Variants in PAK3 observed in about 807,000 individuals in gnomAD.
The protein encoded by PAK3 is serine/threonine-protein kinase PAK 3.
A neutral mutation model predicts 41.0 loss-of-function variants in PAK3; 4 were observed. The ratio of observed to expected loss-of-function variants is 0.10; its 90% CI spans 0.05 to 0.22. The LOEUF (loss-of-function observed/expected upper bound fraction) is 0.22, where lower values mean the gene tolerates loss of function less well. Among genes scored for constraint, PAK3 ranks in the 10% least tolerant of loss-of-function variants. PAK3 has a pLI of 1.00. For missense variants in PAK3, 205 were observed against 409.9 expected (o/e 0.50, Z 4.32); for synonymous variants, 146 against 139.6 (o/e 1.05, Z -0.32).
rs1325154382 is a variant in PAK3 at position 111,225,870 on chromosome X, A to G, written c.*5423A>G. Reference sequence around the variant, plus strand: ...CAGTTAAATAAAAGAACTATGTAAGATGATTTTTAAAATTCAAGCAAATGG... The same window carrying G: ...CAGTTAAATAAAAGAACTATGTAAGGTGATTTTTAAAATTCAAGCAAATGG... On this transcript the variant is annotated 3_prime_UTR_variant, in exon 18 of 18. Coordinates refer to ENST00000372007, the MANE Select transcript of PAK3 (RefSeq NM_002578.5). 3 of 111,697 alleles carry G rather than the reference A, an allele frequency of 2.7e-5. No individual in the cohort carries two copies. Among genetic ancestry groups the G allele is most frequent in the African/African-American group, 9.8e-5 (3 of 30,723 alleles). 9.2% of individuals were successfully genotyped at this position (111,697 alleles called of 1,213,427 possible).
Position 111,196,032 on chromosome X carries a change from A to T in PAK3, c.1210+91A>T, listed in dbSNP as rs768672183. ...AAGAAGATAATGGTTACTGAAAGTG[A>T]TTTATTTGAAAGAAGTTACAGCCCA... is the stretch of plus-strand genomic sequence containing the variant. On this transcript the variant is annotated intron_variant, in intron 15 of 17. Transcript: ENST00000372007. 51 of 631,873 alleles carry T rather than the reference A, an allele frequency of 8.1e-5. No homozygotes were observed. The East Asian group carries it at 1.3e-3, about 17-fold the overall frequency. 52.1% of individuals were successfully genotyped at this position (631,873 alleles called of 1,213,427 possible).
At chrX:111,062,624 T>C (rs907201918) in intron 1 of PAK3, among the ~76,000 whole-genome samples, 2 of 111,344 alleles carry the variant, frequency 1.8e-5, no homozygotes, top group African/African-American at 6.5e-5. Context: ...GGAAGTAGCA[T>C]CTTGCTTGCA....
At chrX:111,186,482 T>C (rs1403579009) in intron 11 of PAK3, among the ~76,000 whole-genome samples, 1 of 111,475 alleles carries the variant, frequency 9.0e-6, no homozygotes, top group Non-Finnish European at 1.9e-5. Flanking sequence ...ATCACAAGCA[T>C]TCCTATACAC....
intron 1 of PAK3, among the ~76,000 whole-genome samples, chrX:111,040,642 T>A (rs928069162): frequency 1.8e-5 from 2 of 111,732 alleles, no homozygotes; most frequent in East Asian, 5.7e-4. Context: ...CAGGATATTG[T>A]CAGAATTAAA....
chrX:111,106,689 C>T (rs1332414195), intron 4 of PAK3, among the ~76,000 whole-genome samples: 1 of 111,899 alleles, frequency 8.9e-6, no homozygotes, highest in Non-Finnish European at 1.9e-5. Context: ...CACACACACA[C>T]GGATACATCT....
chrX:111,004,755 A>G (rs1355107698), intron 1 of PAK3, among the ~76,000 whole-genome samples: 1 of 112,444 alleles, frequency 8.9e-6, no homozygotes, highest in Non-Finnish European at 1.9e-5. Context: ...ACTGAGCTCC[A>G]ATTAAGGAAT....
chrX:111,175,069 T>G (rs1603351143), intron 11 of PAK3, among the ~76,000 whole-genome samples: 1 of 111,747 alleles, frequency 8.9e-6, no homozygotes, highest in African/African-American at 3.2e-5. Flanking sequence ...CCAGACAGAT[T>G]GCAAAAAGAC....
rs1334550143 is a variant in PAK3 at position 110,971,352 on chromosome X, G to A, written c.-28+26724G>A. ...GCAGTAATACAATATGTGGCCTTTT[G>A]TGACTGGCTTCTTTCACTTAGCATA... On this transcript the variant is annotated intron_variant, in intron 1 of 14. Coordinates refer to the PAK3 transcript ENST00000425146. Among the ~76,000 whole-genome samples the A allele has an allele frequency of 3.6e-5, 4 of 112,146 alleles. No homozygotes were observed. In the East Asian group the frequency reaches 1.1e-3, roughly 31 times the overall value.
intron 10 of PAK3, among the ~76,000 whole-genome samples, chrX:111,165,564 A>G (rs1342148301): frequency 8.9e-6 from 1 of 112,097 alleles, no homozygotes; most frequent in Non-Finnish European, 1.9e-5. Context: ...GCATATCCGA[A>G]CTGTCTATTT....
chrX:110,984,183 AC>A, intron 1 of PAK3, among the ~76,000 whole-genome samples: 1 of 112,037 alleles, frequency 8.9e-6, no homozygotes, highest in Admixed American at 9.5e-5. Context: ...ACAGACACAT[AC>A]ATACTTACAT....
chrX:111,033,049 G>T (rs557391108), intron 1 of PAK3, among the ~76,000 whole-genome samples: 1 of 111,517 alleles, frequency 9.0e-6, no homozygotes, highest in East Asian at 2.8e-4. Context: ...ATTTAGATAT[G>T]CTGGCCCTGA....
At chrX:111,080,489 CTG>C (rs2092825425) in intron 1 of PAK3, among the ~76,000 whole-genome samples, 2 of 112,425 alleles carry the variant, frequency 1.8e-5, no homozygotes, top group Admixed American at 1.9e-4. Context: ...ACTTAGTAGA[CTG>C]TAGTATTATG....
intron 1 of PAK3, among the ~76,000 whole-genome samples, chrX:111,036,146 A>G (rs2092397238): frequency 8.9e-6 from 1 of 111,898 alleles, no homozygotes. Context: ...CCACAGTCCA[A>G]TTGAGACACT....
chrX:111,164,742 T>C (rs2094233545), intron 10 of PAK3, among the ~76,000 whole-genome samples: 1 of 112,206 alleles, frequency 8.9e-6, no homozygotes, highest in Non-Finnish European at 1.9e-5. Flanking sequence ...TACTTGTCTG[T>C]TCTGTGCAAG....
intron 13 of PAK3, among the ~76,000 whole-genome samples, chrX:111,193,144 G>A (rs913166535): frequency 9.0e-6 from 1 of 111,227 alleles, no homozygotes; most frequent in African/African-American, 3.3e-5. Flanking sequence ...TTCACTTGTG[G>A]TTAACATCTG....
At chrX:110,980,162 A>T (rs1167913406) in intron 1 of PAK3, among the ~76,000 whole-genome samples, 3 of 112,124 alleles carry the variant, frequency 2.7e-5, no homozygotes, top group African/African-American at 6.5e-5. Context: ...TCAGTCAGAG[A>T]AAACCATGTT....
chrX:111,180,178 T>C (rs766953305), intron 11 of PAK3, among the ~76,000 whole-genome samples: 2 of 112,104 alleles, frequency 1.8e-5, no homozygotes, highest in African/African-American at 6.5e-5. Flanking sequence ...TAAGTATCTT[T>C]ATAAAGTCTT....
intron 14 of PAK3, 84 bp downstream of exon 14, chrX:111,194,502 T>C (rs2094592567): frequency 1.6e-6 from 1 of 610,493 alleles, no homozygotes; most frequent in Non-Finnish European, 2.8e-6. Context: ...GTTTGTATCA[T>C]CAAAGTAACA....
chrX:111,090,472 A>G (rs746225437), intron 1 of PAK3, among the ~76,000 whole-genome samples: 1 of 111,399 alleles, frequency 9.0e-6, no homozygotes, highest in Non-Finnish European at 1.9e-5. Context: ...GATCTCCACC[A>G]TTTGCCTTTT....
Sources: allele counts gnomAD v4.1 joint callset (sites outside exome capture counted in the v4.1 genomes callset), GRCh38; gene constraint gnomAD v4.1.1; transcripts MANE v1.5; gene names NCBI Gene and HGNC (gene_info 2026-07-23, HGNC 2026-07-21).